MALRD1: variants seen among roughly 807,000 people sequenced by gnomAD.
MALRD1 encodes the protein MAM and LDL receptor class A domain containing 1.
MALRD1 carries 247 observed loss-of-function variants against 242.1 expected under a neutral mutation model. The ratio of observed to expected loss-of-function variants is 1.02; its 90% CI spans 0.92 to 1.13. The LOEUF is 1.13. Ranked by LOEUF, MALRD1 falls within the 50% of genes most tolerant of loss-of-function variation. The probability of loss-of-function intolerance (pLI) is 0.00; values close to 1 mark genes in which losing one functional copy is unlikely to be tolerated. For missense variants in MALRD1, 2,989 were observed against 2,533.1 expected (o/e 1.18, Z -3.86); for synonymous variants, 995 against 866.6 (o/e 1.15, Z -2.60).
At chr10:19,100,061 A>AT (rs1037042390) in intron 4 of MALRD1, among the ~76,000 whole-genome samples, 3 of 151,874 alleles carry the variant, frequency 2.0e-5, no homozygotes, top group Admixed American at 1.3e-4. Flanking sequence ...ATAATAATAA[A>AT]TTTTTTTCTT....
At chr10:19,329,626 C>G (rs1318519071) in intron 23 of MALRD1, among the ~76,000 whole-genome samples, 1 of 152,064 alleles carries the variant, frequency 6.6e-6, no homozygotes, top group Admixed American at 6.6e-5. Context: ...GTCTTTTGTT[C>G]TAGTTATGTA....
At chr10:19,096,671 G>C (rs1836045897) in intron 4 of MALRD1, among the ~76,000 whole-genome samples, 1 of 152,148 alleles carries the variant, frequency 6.6e-6, no homozygotes, top group Non-Finnish European at 1.5e-5. Context: ...TTATTCAAGG[G>C]AATTCTGTAA....
At chr10:19,329,544 A>G (rs949795995) in intron 23 of MALRD1, among the ~76,000 whole-genome samples, 1 of 152,172 alleles carries the variant, frequency 6.6e-6, no homozygotes, top group Non-Finnish European at 1.5e-5. Context: ...TGCTTTCACA[A>G]TAACCTTATG....
chr10:19,634,170 G>A (rs2131659758), intron 36 of MALRD1, among the ~76,000 whole-genome samples: 1 of 151,978 alleles, frequency 6.6e-6, no homozygotes, highest in Non-Finnish European at 1.5e-5. Flanking sequence ...TACCTGCCAG[G>A]CCCAGAGAAC....
At chr10:19,279,522 A>C (rs1432064622) in intron 19 of MALRD1, among the ~76,000 whole-genome samples, 1 of 152,218 alleles carries the variant, frequency 6.6e-6, no homozygotes, top group Non-Finnish European at 1.5e-5. Flanking sequence ...TTCCATCCTC[A>C]GTAATTTCAG....
At chr10:19,620,338 G>A (rs1839345712) in intron 36 of MALRD1, among the ~76,000 whole-genome samples, 1 of 151,922 alleles carries the variant, frequency 6.6e-6, no homozygotes, top group Non-Finnish European at 1.5e-5. Context: ...TCTCAAGTAG[G>A]CCTCAGTGTT....
At chr10:19,529,793 A>T (rs963689750) in intron 31 of MALRD1, among the ~76,000 whole-genome samples, 6 of 152,120 alleles carry the variant, frequency 3.9e-5, no homozygotes, top group African/African-American at 7.2e-5. Context: ...CCATGCTAAC[A>T]TTAATCAAAA....
intron 35 of MALRD1, among the ~76,000 whole-genome samples, chr10:19,610,153 G>T (rs3844360): frequency 0.78 from 119,157 of 151,840 alleles, 48,834 homozygotes; most frequent in Non-Finnish European, 0.9. Context: ...AGTGCATACA[G>T]TTTGTATAAT....
intron 28 of MALRD1, among the ~76,000 whole-genome samples, chr10:19,400,349 T>A (rs1053403460): frequency 6.6e-6 from 1 of 152,184 alleles, no homozygotes; most frequent in African/African-American, 2.4e-5. Flanking sequence ...GGAATGAGTT[T>A]GAATTCAGTG....
chr10:19,173,102 G>T (rs1835081928), intron 13 of MALRD1, among the ~76,000 whole-genome samples: 1 of 151,888 alleles, frequency 6.6e-6, no homozygotes, highest in South Asian at 2.1e-4. Flanking sequence ...ATTTTATCTT[G>T]AGTATCTTTA....
chr10:19,682,204 A>G (rs1458513922), intron 36 of MALRD1, among the ~76,000 whole-genome samples: 2 of 152,206 alleles, frequency 1.3e-5, no homozygotes, highest in Non-Finnish European at 2.9e-5. Context: ...ACCCATGCTT[A>G]GAAAACGTGA....
At chr10:19,152,242 G>C (rs78678744) in intron 11 of MALRD1, among the ~76,000 whole-genome samples, 7,862 of 152,236 alleles carry the variant, frequency 0.052, 242 homozygotes, top group Middle Eastern at 0.075. Flanking sequence ...TCATTGTTTA[G>C]AGCAGGCTGA....
chr10:19,526,356 C>CAA (rs34959840), intron 31 of MALRD1, among the ~76,000 whole-genome samples: 2,107 of 146,648 alleles, frequency 0.014, 102 homozygotes, highest in East Asian at 0.12. Flanking sequence ...TATGATTCTC[C>CAA]AAAAAAAAAA....
chr10:19,211,209 C>T (rs1315797933), intron 18 of MALRD1, among the ~76,000 whole-genome samples: 1 of 152,018 alleles, frequency 6.6e-6, no homozygotes, highest in African/African-American at 2.4e-5. Context: ...TGGGACTAAC[C>T]AAGGAACACT....
At chr10:19,186,957 C>T (rs751342501) in intron 14 of MALRD1, among the ~76,000 whole-genome samples, 7 of 152,190 alleles carry the variant, frequency 4.6e-5, no homozygotes, top group African/African-American at 1.7e-4. Flanking sequence ...ATCGACGTCT[C>T]CCTGCCTTGC....
intron 26 of MALRD1, among the ~76,000 whole-genome samples, chr10:19,360,357 C>T (rs535969281): frequency 1.3e-5 from 2 of 151,976 alleles, no homozygotes. Context: ...ATCTTCTGTT[C>T]GTGGATCTAA....
At chr10:19,437,223 T>A (rs1326131144) in intron 28 of MALRD1, among the ~76,000 whole-genome samples, 1 of 152,152 alleles carries the variant, frequency 6.6e-6, no homozygotes, top group Non-Finnish European at 1.5e-5. Context: ...GGTCCTAAGA[T>A]CACCTGTTTT....
At chr10:19,474,702 T>C (rs1836649058) in intron 29 of MALRD1, among the ~76,000 whole-genome samples, 1 of 152,072 alleles carries the variant, frequency 6.6e-6, no homozygotes, top group Admixed American at 6.5e-5. Context: ...AAGCATTTTG[T>C]TCTTAAAAGA....
At chr10:19,542,652 A>G (rs1176218493) in intron 32 of MALRD1, among the ~76,000 whole-genome samples, 1 of 152,012 alleles carries the variant, frequency 6.6e-6, no homozygotes, top group East Asian at 1.9e-4. Flanking sequence ...ATAGATGTAA[A>G]TTTTCTTGAA....
Sources: gnomAD v4.1 joint callset for allele counts (sites outside exome capture counted in the v4.1 genomes callset) on GRCh38, gnomAD v4.1.1 for gene constraint, MANE v1.5 for transcripts, NCBI Gene and HGNC (gene_info 2026-07-23, HGNC 2026-07-21) for gene names.